Variants in HNMT observed in about 807,000 individuals in gnomAD.
HNMT encodes the protein histamine N-methyltransferase.
A neutral mutation model predicts 32.1 loss-of-function variants in HNMT; 30 were observed. The observed-to-expected ratio is 0.93, with a 90% CI of 0.70 to 1.27. HNMT has a LOEUF of 1.27. Among genes scored for constraint, HNMT ranks in the 50% most tolerant of loss-of-function variants. The pLI is 0.00. For synonymous variants in HNMT, 125 were observed against 119.0 expected (o/e 1.05, Z -0.33); for missense variants, 327 against 346.0 (o/e 0.95, Z 0.43).
intron 1 of HNMT, among the ~76,000 whole-genome samples, chr2:137,968,325 C>G (rs1276939086): frequency 6.6e-6 from 1 of 152,122 alleles, no homozygotes; most frequent in East Asian, 1.9e-4. Context: ...ATAATAGTAT[C>G]TAACTCATAG....
At chr2:137,995,367 A>G (rs777900872) in intron 2 of HNMT, among the ~76,000 whole-genome samples, 2 of 152,216 alleles carry the variant, frequency 1.3e-5, no homozygotes, top group South Asian at 4.1e-4. Context: ...ACAAACTACC[A>G]TCAGAGAATA....
chr2:138,009,522 T>C (rs1475793969), intron 5 of HNMT, among the ~76,000 whole-genome samples: 3 of 152,030 alleles, frequency 2.0e-5, no homozygotes, highest in African/African-American at 7.2e-5. Context: ...ATGATGAGGG[T>C]GATGGTAGTT....
chr2:137,965,993 T>A (rs1459054978), intron 1 of HNMT, among the ~76,000 whole-genome samples: 2 of 152,194 alleles, frequency 1.3e-5, no homozygotes, highest in Non-Finnish European at 2.9e-5. Flanking sequence ...ATAACAGTAG[T>A]ATATAGTTAG....
intron 2 of HNMT, among the ~76,000 whole-genome samples, chr2:137,979,008 AT>A (rs1319064657): frequency 4.9e-5 from 7 of 142,130 alleles, no homozygotes; most frequent in Non-Finnish European, 1.0e-4. Context: ...ATTATATAAT[AT>A]TCTTATATAA....
chr2:138,005,460 T>C (rs2737379), intron 5 of HNMT, among the ~76,000 whole-genome samples: 35,253 of 151,954 alleles, frequency 0.23, 4,297 homozygotes, highest in South Asian at 0.3. Context: ...GGAAAATATG[T>C]CTTTGTCTTC....
In HNMT at chr2:138,002,124, C is replaced by T. The variant is rs568230277; in HGVS notation, c.359C>T (p.Ser120Leu). ...AAGTTTGCTTGGCATAAGGAGACAT[C>T]ATCTGAATACCAAAGTAGAATGTTG... is the stretch of plus-strand genomic sequence containing the variant. ...NVKFAWHKET[S>L]SEYQSRMLEK... The change falls in exon 4 of 6, where the codon TCA becomes TTA. Residue 120 changes from serine (S) to leucine (L), a missense_variant. Transcript: ENST00000280097. The T allele has an allele frequency of 1.0e-5, 16 of 1,602,536 alleles. No homozygotes were observed. The Admixed American group carries it at 1.5e-4, about 15-fold the overall frequency.
intron 2 of HNMT, among the ~76,000 whole-genome samples, chr2:137,978,894 A>C (rs1354893527): frequency 7.1e-6 from 1 of 139,932 alleles, no homozygotes; most frequent in Non-Finnish European, 1.5e-5. Context: ...AATAGTATAA[A>C]GTATACTCCA....
intron 4 of HNMT, chr2:138,002,614 AT>A: frequency 4.8e-6 from 1 of 208,980 alleles, no homozygotes; most frequent in South Asian, 1.7e-4. Context: ...CACCCAACTA[AT>A]TTTTTATTTT....
chr2:138,000,956 C>T lies in HNMT; in HGVS notation c.229C>T (p.Gln77Ter). 6.2e-7 allele frequency: 1 copy of T among 1,608,230 alleles called. No homozygotes were observed. Among genetic ancestry groups the T allele is most frequent in the Non-Finnish European group, 8.5e-7 (1 of 1,177,206 alleles). Residue 77 changes from glutamine (Q) to a stop codon, truncating the protein, a stop_gained, in exon 3 of 6, where the codon CAA becomes TAA. Transcript: ENST00000280097. LOFTEE classifies it high-confidence loss of function. Reference sequence around the variant, plus strand: ...TCAAATTCTCTCCAAAGTTCAGGCTCAATACCCAGGAGTTTGTATCAACAA... The same window carrying T: ...TCAAATTCTCTCCAAAGTTCAGGCTTAATACCCAGGAGTTTGTATCAACAA... The part of the protein sequence containing the change: ...DLQILSKVQA[Q>*]YPGVCINNEV...
chr2:138,008,383 C>T (rs1474455499), intron 5 of HNMT, among the ~76,000 whole-genome samples: 1 of 152,024 alleles, frequency 6.6e-6, no homozygotes, highest in Non-Finnish European at 1.5e-5. Context: ...TTTAACCACT[C>T]TGTCACTGAA....
At chr2:138,009,775 G>T (rs571326982) in intron 5 of HNMT, among the ~76,000 whole-genome samples, 1 of 152,078 alleles carries the variant, frequency 6.6e-6, no homozygotes, top group South Asian at 2.1e-4. Flanking sequence ...CTATCTGCTA[G>T]ACTAGTCAGT....
intron 5 of HNMT, among the ~76,000 whole-genome samples, chr2:138,007,965 C>A (rs1280219374): frequency 6.6e-6 from 1 of 151,918 alleles, no homozygotes; most frequent in Admixed American, 6.6e-5. Context: ...AAGATGCCAC[C>A]TCCTCATTTT....
intron 2 of HNMT, chr2:137,992,017 A>T (rs537572651): frequency 7.9e-6 from 1 of 127,300 alleles, no homozygotes; most frequent in Admixed American, 8.1e-5. Flanking sequence ...GGAGTGGGGG[A>T]GCCCCCTCCC....
At chr2:137,973,915 A>G (rs1573644435) in intron 2 of HNMT, among the ~76,000 whole-genome samples, 1 of 152,014 alleles carries the variant, frequency 6.6e-6, no homozygotes, top group East Asian at 1.9e-4. Flanking sequence ...AGAGATTGTG[A>G]GGTTTTTGCA....
chr2:138,011,187 T>C (rs1402278145), intron 5 of HNMT, among the ~76,000 whole-genome samples: 2 of 151,954 alleles, frequency 1.3e-5, no homozygotes, highest in Admixed American at 6.6e-5. Context: ...TAGTGTTTGG[T>C]TCTTTTTTCT....
rs1681603451 is a variant in HNMT, at chr2:138,014,468, A to G, written c.*338A>G. On this transcript the variant is annotated 3_prime_UTR_variant, in exon 6 of 6. Coordinates refer to ENST00000280097, the MANE Select transcript of HNMT (RefSeq NM_006895.3). ...ATTTTCTAGAATACTAATAAAATAC[A>G]TACTATAGATTCTTTATTAGTGAAG... 1.5e-5 allele frequency: 3 copies of G among 199,998 alleles called. No individual in the cohort carries two copies. The highest frequency in any genetic ancestry group is 3.1e-5 in the Non-Finnish European group (3 of 97,066). 12.4% of individuals were successfully genotyped at this position (199,998 alleles called of 1,614,324 possible). A position where few individuals can be genotyped will look rare whatever the true frequency, so the allele number is the denominator to read the frequency against.
At chr2:137,986,696 G>A (rs904593564) in intron 2 of HNMT, among the ~76,000 whole-genome samples, 3 of 152,020 alleles carry the variant, frequency 2.0e-5, no homozygotes, top group African/African-American at 7.2e-5. Context: ...TAAACACTTC[G>A]AAAATAATTA....
intron 2 of HNMT, among the ~76,000 whole-genome samples, chr2:137,990,385 A>T (rs1680782280): frequency 6.6e-6 from 1 of 152,116 alleles, no homozygotes; most frequent in African/African-American, 2.4e-5. Context: ...GTCAAAGATC[A>T]ATTCACTATA....
intron 2 of HNMT, among the ~76,000 whole-genome samples, chr2:137,984,697 TTAAC>T (rs1197382510): frequency 6.6e-6 from 1 of 152,222 alleles, no homozygotes; most frequent in Non-Finnish European, 1.5e-5. Context: ...TTTGAGGTAA[TTAAC>T]TATATTAATC....
Sources: allele counts gnomAD v4.1 joint callset (sites outside exome capture counted in the v4.1 genomes callset), GRCh38; gene constraint gnomAD v4.1.1; transcripts MANE v1.5; gene names NCBI Gene and HGNC (gene_info 2026-07-23, HGNC 2026-07-21).